NAALADL2: variants seen among roughly 807,000 people sequenced by gnomAD.
The protein encoded by NAALADL2 is inactive N-acetylated-alpha-linked acidic dipeptidase-like protein 2.
Under a neutral mutation model 87.2 loss-of-function variants are expected in NAALADL2, and 76 were observed. The ratio of observed to expected loss-of-function variants is 0.87; its 90% CI spans 0.72 to 1.05. NAALADL2 has a LOEUF of 1.05. NAALADL2 is among the 50% of genes least tolerant of loss of function. The probability of loss-of-function intolerance (pLI) is 0.00; values close to 1 mark genes in which losing one functional copy is unlikely to be tolerated. For missense variants in NAALADL2, 1,089 were observed against 945.8 expected, an observed-to-expected ratio of 1.15 and a Z score of -1.99; for synonymous variants, 354 against 331.0, an observed-to-expected ratio of 1.07 and a Z score of -0.75.
At chr3:175,193,607 C>T (rs2109075492) in intron 2 of NAALADL2, among the ~76,000 whole-genome samples, 1 of 152,050 alleles carries the variant, frequency 6.6e-6, no homozygotes, top group East Asian at 1.9e-4. Flanking sequence ...TTACCCCATT[C>T]CATACCCCTC....
chr3:175,447,336 A>C lies in NAALADL2; in HGVS notation c.1198A>C (p.Asn400His). ...LISSPKARTK[N>H]EACSSLELPN... ...CTCTTCGCCAAAAGCTAGAACCAAA[A>C]ATGAAGCGTGTAGCTCTCTAGAGCT... The change falls in exon 6 of 14, where the codon AAT becomes CAT. Residue 400 changes from asparagine (N) to histidine (H), a missense_variant. Transcript: ENST00000454872. 6.3e-7 allele frequency: 1 copy of C among 1,599,278 alleles called. No individual in the cohort carries two copies. Among genetic ancestry groups the C allele is most frequent in the Non-Finnish European group, 8.5e-7 (1 of 1,171,888 alleles).
chr3:174,658,089 C>T (rs564771066), intron 2 of NAALADL2, among the ~76,000 whole-genome samples: 160 of 152,216 alleles, frequency 1.1e-3, no homozygotes, highest in African/African-American at 3.8e-3. Flanking sequence ...GCTAGAAACA[C>T]GTATGTTCAG....
chr3:175,501,917 G>C (rs1729601054), intron 9 of NAALADL2, among the ~76,000 whole-genome samples: 1 of 152,014 alleles, frequency 6.6e-6, no homozygotes, highest in African/African-American at 2.4e-5. Flanking sequence ...CCAAAGTCAA[G>C]TACTATCATG....
chr3:174,485,334 G>T (rs1020397116), intron 1 of NAALADL2, among the ~76,000 whole-genome samples: 2 of 151,770 alleles, frequency 1.3e-5, no homozygotes, highest in African/African-American at 4.8e-5. Context: ...TACATGTACA[G>T]GTTTGTTATA....
chr3:175,119,122 C>G (rs997841), intron 2 of NAALADL2, among the ~76,000 whole-genome samples: 91,272 of 150,666 alleles, frequency 0.61, 28,130 homozygotes, highest in African/African-American at 0.73. Context: ...TATTGAGGCA[C>G]AAGAAATTTT....
At chr3:175,712,081 T>C (rs1023892523) in intron 11 of NAALADL2, among the ~76,000 whole-genome samples, 1 of 151,924 alleles carries the variant, frequency 6.6e-6, no homozygotes, top group Non-Finnish European at 1.5e-5. Flanking sequence ...TATTGAGATA[T>C]TATTTAAATT....
At chr3:175,654,855 G>C (rs1731234829) in intron 11 of NAALADL2, among the ~76,000 whole-genome samples, 1 of 151,878 alleles carries the variant, frequency 6.6e-6, no homozygotes, top group Non-Finnish European at 1.5e-5. Flanking sequence ...GGGAACCTGT[G>C]TATAGGCCCC....
chr3:174,490,125 T>A (rs1479300236), intron 1 of NAALADL2, among the ~76,000 whole-genome samples: 1 of 152,008 alleles, frequency 6.6e-6, no homozygotes. Context: ...GCATTATTAA[T>A]AATAGCCAAA....
intron 5 of NAALADL2, among the ~76,000 whole-genome samples, chr3:175,350,860 A>G (rs1196575383): frequency 2.0e-5 from 3 of 152,334 alleles, no homozygotes; most frequent in South Asian, 2.1e-4. Context: ...TGAATTGTAA[A>G]TAAAATTATC....
intron 6 of NAALADL2, among the ~76,000 whole-genome samples, chr3:175,448,351 A>G (rs1721022709): frequency 6.6e-6 from 1 of 152,220 alleles, no homozygotes; most frequent in Non-Finnish European, 1.5e-5. Flanking sequence ...ATTTATTCTG[A>G]GCCCAACAAA....
intron 1 of NAALADL2, among the ~76,000 whole-genome samples, chr3:175,048,876 C>T (rs1755007927): frequency 6.6e-6 from 1 of 151,952 alleles, no homozygotes; most frequent in Non-Finnish European, 1.5e-5. Flanking sequence ...CATATGGTGG[C>T]CTGAAAGCTG....
chr3:174,963,312 T>C (rs1268991791), intron 1 of NAALADL2, among the ~76,000 whole-genome samples: 3 of 152,122 alleles, frequency 2.0e-5, no homozygotes, highest in Non-Finnish European at 4.4e-5. Context: ...ATAAATACTT[T>C]AGTAACATAC....
chr3:175,644,743 A>C (rs1037994390), intron 11 of NAALADL2, among the ~76,000 whole-genome samples: 1 of 152,140 alleles, frequency 6.6e-6, no homozygotes, highest in African/African-American at 2.4e-5. Flanking sequence ...TATAAATGTA[A>C]AAATTAGCTT....
intron 5 of NAALADL2, among the ~76,000 whole-genome samples, chr3:175,421,082 C>A (rs565586622): frequency 6.6e-6 from 1 of 151,882 alleles, no homozygotes; most frequent in Non-Finnish European, 1.5e-5. Context: ...TCTAAGTTTT[C>A]TTTGCATAAT....
At chr3:174,534,185 A>G (rs1409420278) in intron 1 of NAALADL2, among the ~76,000 whole-genome samples, 1 of 152,184 alleles carries the variant, frequency 6.6e-6, no homozygotes, top group East Asian at 1.9e-4. Context: ...TTTCTTAGTA[A>G]AATGTGCTAT....
chr3:174,818,467 A>T (rs1202467651), intron 3 of NAALADL2, among the ~76,000 whole-genome samples: 1 of 152,198 alleles, frequency 6.6e-6, no homozygotes, highest in Non-Finnish European at 1.5e-5. Flanking sequence ...ATCTAAAAAA[A>T]ATCTGTAAGT....
intron 1 of NAALADL2, among the ~76,000 whole-genome samples, chr3:174,902,450 G>T (rs73047015): frequency 0.027 from 4,065 of 151,732 alleles, 171 homozygotes; most frequent in African/African-American, 0.088. Context: ...AGGGGGGTGG[G>T]GTTTAACTAA....
rs200751803 is a variant in NAALADL2, at chr3:175,698,329, ATG to A, written c.1897-38973_1897-38972del. Among the ~76,000 whole-genome samples, 294 of 111,258 alleles carry A rather than the reference ATG, an allele frequency of 2.6e-3. 59 individuals are homozygous for A. Among genetic ancestry groups the A allele is most frequent in the African/African-American group, 6.7e-3 (146 of 21,802 alleles). 73.0% of individuals were successfully genotyped at this position (111,258 alleles called of 152,430 possible). On this transcript the variant is annotated intron_variant, in intron 11 of 13. Coordinates refer to ENST00000454872, the MANE Select transcript of NAALADL2 (RefSeq NM_207015.3). ...TGTATATATGTATGTGTATTTATGT[ATG>A]TGTATATATGTATGTGTATTTATGT... is the stretch of plus-strand genomic sequence containing the variant.
At chr3:175,655,695 TAAATA>T (rs55666338) in intron 11 of NAALADL2, 24,292 of 147,920 alleles carry the variant, frequency 0.16, 2,414 homozygotes, top group African/African-American at 0.29. Context: ...CTTAAAAAAA[TAAATA>T]AAATAAAATA....
Sources: allele counts gnomAD v4.1 joint callset (sites outside exome capture counted in the v4.1 genomes callset), GRCh38; gene constraint gnomAD v4.1.1; transcripts MANE v1.5; gene names NCBI Gene and HGNC (gene_info 2026-07-23, HGNC 2026-07-21).